Variants in KCNK18 observed in about 807,000 individuals in gnomAD.
KCNK18 encodes the protein potassium channel subfamily K member 18.
Under a neutral mutation model 11.8 loss-of-function variants are expected in KCNK18, and 8 were observed. That is an observed-to-expected ratio of 0.68 (90% CI 0.40 to 1.22). The LOEUF (loss-of-function observed/expected upper bound fraction) is 1.22. Ranked by LOEUF, KCNK18 falls within the 50% of genes most tolerant of loss-of-function variation. The pLI is 0.01. For missense variants in KCNK18, 442 were observed against 465.4 expected, an observed-to-expected ratio of 0.95 and a Z score of 0.46; for synonymous variants, 208 against 185.8, an observed-to-expected ratio of 1.12 and a Z score of -0.97.
At position 117,209,967 on chromosome 10, in the gene KCNK18, C is replaced by T. The variant is rs774268878; in HGVS notation, c.823C>T (p.Gln275Ter). 1 of 1,614,192 alleles carries T rather than the reference C, an allele frequency of 6.2e-7. No individual in the cohort carries two copies. Among genetic ancestry groups the T allele is most frequent in the Non-Finnish European group, 8.5e-7 (1 of 1,180,044 alleles). The change falls in exon 3 of 3, where the codon CAG (glutamine) becomes TAG (stop). Residue 275 changes from glutamine to a stop codon, truncating the protein, a stop_gained. Transcript: ENST00000334549. LOFTEE classifies it low-confidence loss of function (END_TRUNC). Reference sequence around the variant, plus strand: ...CAGCAACCTGGATGAAGTTGGACAGCAGGTGGAGAGGTTGGACATCCCCCT... The same window carrying T: ...CAGCAACCTGGATGAAGTTGGACAGTAGGTGGAGAGGTTGGACATCCCCCT... Reference protein sequence around the residue: ...IISNLDEVGQQVERLDIPLPI... With the variant: ...IISNLDEVGQ
At position 117,209,829 on chromosome 10, in the gene KCNK18, G is replaced by C; in HGVS notation, c.685G>C (p.Glu229Gln). The C allele has an allele frequency of 1.2e-6, 2 of 1,614,164 alleles. No homozygotes were observed. The highest frequency in any genetic ancestry group is 1.7e-6 in the Non-Finnish European group (2 of 1,180,036). ...SRPSCSMELF[E>Q]RSHALEKQNT... ...CCCAAGCTGCAGCATGGAGCTGTTT[G>C]AGAGATCTCATGCGCTAGAGAAACA... The change falls in exon 3 of 3, where the codon GAG (glutamate) becomes CAG (glutamine). Residue 229 changes from glutamate (E) to glutamine (Q), a missense_variant. Physicochemically the swap from Glu to Gln is conservative, Grantham distance 29 (BLOSUM62 2). Transcript: ENST00000334549.
intron 1 of KCNK18, among the ~76,000 whole-genome samples, chr10:117,199,664 A>G (rs1267720829): frequency 6.6e-6 from 1 of 152,214 alleles, no homozygotes; most frequent in African/African-American, 2.4e-5. Context: ...ACCTTTCACC[A>G]CCATCTCAGG....
Position 117,201,292 on chromosome 10 carries a change from G to A in KCNK18, c.352+5G>A. 2 of 1,612,766 alleles carry A rather than the reference G, an allele frequency of 1.2e-6. No homozygotes were observed. The highest frequency in any genetic ancestry group is 1.7e-6 in the Non-Finnish European group (2 of 1,180,004). On this transcript the variant is annotated splice_donor_5th_base_variant and intron_variant, in intron 2 of 2. Coordinates refer to ENST00000334549, the MANE Select transcript of KCNK18 (RefSeq NM_181840.1). ...GCACGGTGTTCAGCACCGTGGGTAA[G>A]TGCAAAGCCACAGTCCCCCTCACGG... is the stretch of plus-strand genomic sequence containing the variant.
intron 2 of KCNK18, among the ~76,000 whole-genome samples, chr10:117,203,489 A>G (rs1185484959): frequency 1.3e-5 from 2 of 152,164 alleles, no homozygotes; most frequent in African/African-American, 2.4e-5. Flanking sequence ...TAACTCCAAG[A>G]AAGACACGGA....
chr10:117,200,830 A>G (rs1855004791), intron 1 of KCNK18, among the ~76,000 whole-genome samples: 1 of 148,084 alleles, frequency 6.8e-6, no homozygotes, highest in Admixed American at 6.8e-5. Context: ...AAAAAAACAG[A>G]TGAAAGAAAT....
At position 117,197,719 on chromosome 10, in the gene KCNK18, C is replaced by T; in HGVS notation, c.223+8C>T. ...TGAACTGCAGTGAAACAGGTAGGTG[C>T]CTCACCTGGACAGGGTGGGCCTTTT... On this transcript the variant is annotated splice_region_variant and intron_variant, in intron 1 of 2. Transcript: ENST00000334549. 1 of 1,612,088 alleles carries T rather than the reference C, an allele frequency of 6.2e-7. No homozygotes were observed. Among genetic ancestry groups the T allele is most frequent in the Non-Finnish European group, 8.5e-7 (1 of 1,178,310 alleles).
In KCNK18 at chr10:117,197,673, T is replaced by C. The variant is rs753262034; in HGVS notation, c.185T>C (p.Leu62Ser). 34 of 1,614,020 alleles carry C rather than the reference T, an allele frequency of 2.1e-5. No homozygotes were observed. The Admixed American group carries it at 5.2e-4, about 25-fold the overall frequency. ...GATGATGGAGAGTTTGAGAAGTTCTTGGAGGAGCTCTGCAGAATCTTGAAC... is the reference window on the plus strand; with the variant it reads ...GATGATGGAGAGTTTGAGAAGTTCTCGGAGGAGCTCTGCAGAATCTTGAAC... ...AADDGEFEKF[L>S]EELCRILNCS... Residue 62 changes from leucine to serine, a missense_variant, in exon 1 of 3, where the codon TTG becomes TCG. By Grantham distance (145) the Leu-to-Ser change is moderately radical. Transcript: ENST00000334549.
At chr10:117,199,451 G>C (rs1393368603) in intron 1 of KCNK18, among the ~76,000 whole-genome samples, 1 of 152,240 alleles carries the variant, frequency 6.6e-6, no homozygotes, top group African/African-American at 2.4e-5. Flanking sequence ...AGGGTTAGTT[G>C]CATGTAGACC....
intron 2 of KCNK18, among the ~76,000 whole-genome samples, chr10:117,205,682 C>A (rs1274238947): frequency 6.6e-6 from 1 of 152,184 alleles, no homozygotes; most frequent in African/African-American, 2.4e-5. Flanking sequence ...AGCATAGCAT[C>A]CCCACTCATT....
chr10:117,204,142 G>C (rs192232993), intron 2 of KCNK18, among the ~76,000 whole-genome samples: 234 of 152,036 alleles, frequency 1.5e-3, no homozygotes, highest in Non-Finnish European at 2.5e-3. Flanking sequence ...TGCACCTGTA[G>C]TCCCTGCTAC....
chr10:117,198,179 T>C (rs1854972206), intron 1 of KCNK18, among the ~76,000 whole-genome samples: 1 of 152,128 alleles, frequency 6.6e-6, no homozygotes, highest in South Asian at 2.1e-4. Context: ...CCAAATTGGA[T>C]TTAAATTCCA....
intron 2 of KCNK18, among the ~76,000 whole-genome samples, chr10:117,207,792 G>A (rs1855093170): frequency 6.6e-6 from 1 of 152,226 alleles, no homozygotes; most frequent in South Asian, 2.1e-4. Flanking sequence ...TGCACTTCTG[G>A]AGGAAGTTGG....
intron 2 of KCNK18, among the ~76,000 whole-genome samples, chr10:117,201,715 AGCAAAACGTTGGTTTACT>A (rs1216402048): frequency 6.6e-6 from 1 of 152,138 alleles, no homozygotes; most frequent in Non-Finnish European, 1.5e-5. Context: ...CGTGCTTATG[AGCAAAACGTTGGTTTACT>A]GGCCCCTTTA....
intron 2 of KCNK18, among the ~76,000 whole-genome samples, chr10:117,206,004 C>T (rs1197094936): frequency 2.0e-5 from 3 of 151,874 alleles, no homozygotes; most frequent in African/African-American, 4.8e-5. Flanking sequence ...AAGCCAAGGT[C>T]GTGCACGCCT....
At chr10:117,199,621 C>T (rs539862922) in intron 1 of KCNK18, among the ~76,000 whole-genome samples, 1 of 152,340 alleles carries the variant, frequency 6.6e-6, no homozygotes, top group South Asian at 2.1e-4. Context: ...GAACCAGGGA[C>T]TTAAACCCAT....
At chr10:117,207,288 C>G (rs1007766095) in intron 2 of KCNK18, among the ~76,000 whole-genome samples, 3 of 152,144 alleles carry the variant, frequency 2.0e-5, no homozygotes, top group Admixed American at 6.5e-5. Flanking sequence ...CTTGGCCCCT[C>G]AAATTGCTGG....
intron 2 of KCNK18, 67 bp downstream of exon 2, chr10:117,201,354 A>G (rs1855012404): frequency 6.4e-7 from 1 of 1,572,932 alleles, no homozygotes; most frequent in Admixed American, 1.7e-5. Flanking sequence ...GTGGCAAAGG[A>G]CACTGGAATT....
rs1564992856 is a variant in KCNK18, at chr10:117,210,105, C to A, written c.961C>A (p.Leu321Ile). Residue 321 changes from leucine to isoleucine, a missense_variant, in exon 3 of 3, where the codon CTC becomes ATC. By Grantham distance (5) the Leu-to-Ile change is conservative. Coordinates refer to ENST00000334549, the MANE Select transcript of KCNK18 (RefSeq NM_181840.1). Reference protein sequence around the residue: ...ENAFYFCFVTLTTIGFGDTVL... With the variant: ...ENAFYFCFVTITTIGFGDTVL... Reference sequence around the variant, plus strand: ...TGCCTTCTATTTCTGCTTTGTCACACTCACCACCATTGGGTTTGGGGATAC... The same window carrying A: ...TGCCTTCTATTTCTGCTTTGTCACAATCACCACCATTGGGTTTGGGGATAC... 1 of 1,614,220 alleles carries A rather than the reference C, an allele frequency of 6.2e-7. No individual in the cohort carries two copies. Among genetic ancestry groups the A allele is most frequent in the Non-Finnish European group, 8.5e-7 (1 of 1,180,036 alleles).
rs560859079 is a variant in KCNK18, at chr10:117,200,568, G to A, written c.224-591G>A. On this transcript the variant is annotated intron_variant, in intron 1 of 2. Transcript: ENST00000334549. ...CACGCCTATAATCCCAGCCCTTTGG[G>A]AGGCTGAGGCAGGTGGATCACAAGG... Among the ~76,000 whole-genome samples, 6 of 152,286 alleles carry A rather than the reference G, an allele frequency of 3.9e-5. No individual in the cohort carries two copies. In the South Asian group the frequency reaches 1.2e-3, roughly 32 times the overall value.
Sources: gnomAD v4.1 joint callset for allele counts (sites outside exome capture counted in the v4.1 genomes callset) on GRCh38, gnomAD v4.1.1 for gene constraint, MANE v1.5 for transcripts, NCBI Gene and HGNC (gene_info 2026-07-23, HGNC 2026-07-21) for gene names.